SNU13: variants seen among roughly 807,000 people sequenced by gnomAD.
SNU13 encodes NHP2-like protein 1.
A neutral mutation model predicts 12.4 loss-of-function variants in SNU13; 2 were observed. The ratio of observed to expected loss-of-function variants is 0.16; its 90% CI spans 0.07 to 0.51. SNU13 has a LOEUF of 0.51. Among genes scored for constraint, SNU13 ranks in the 20% least tolerant of loss-of-function variants. The probability of loss-of-function intolerance (pLI) is 0.96; values close to 1 mark genes in which losing one functional copy is unlikely to be tolerated. For missense variants in SNU13, 66 were observed against 157.8 expected (o/e 0.42, Z 3.12); for synonymous variants, 68 against 66.5 (o/e 1.02, Z -0.11).
Position 41,674,294 on chromosome 22 carries a change from A to G in SNU13, c.*639T>C, listed in dbSNP as rs1210432336. On this transcript the variant is annotated 3_prime_UTR_variant, in exon 3 of 3. Coordinates refer to ENST00000401959, the MANE Select transcript of SNU13 (RefSeq NM_001003796.2). ...GGCTGCCTCCGGAGTCCTGCAGCAC[A>G]TCTCTTTGGTATGCTGCTGCCCTGC... The G allele has an allele frequency of 6.5e-6, 1 of 153,108 alleles. No homozygotes were observed. Among genetic ancestry groups the G allele is most frequent in the Non-Finnish European group, 1.5e-5 (1 of 68,494 alleles). 9.5% of individuals were successfully genotyped at this position (153,108 alleles called of 1,614,324 possible). A position where few individuals can be genotyped will look rare whatever the true frequency, so the allele number is the denominator to read the frequency against.
At chr22:41,688,743 G>A in intron 1 of SNU13, 51 bp downstream of exon 1, 1 of 1,594,730 alleles carries the variant, frequency 6.3e-7, no homozygotes. Context: ...GGGAGTGAAC[G>A]CAACCCTGAG....
intron 1 of SNU13, among the ~76,000 whole-genome samples, chr22:41,687,382 T>G (rs2068319785): frequency 6.6e-6 from 1 of 152,220 alleles, no homozygotes. Flanking sequence ...ACCCATTCTC[T>G]GGAAATCAGG....
chr22:41,680,928 C>T (rs570310045), intron 1 of SNU13, among the ~76,000 whole-genome samples: 41 of 152,252 alleles, frequency 2.7e-4, no homozygotes, highest in African/African-American at 9.4e-4. Context: ...TCCTGGCTCA[C>T]GCCTGTAATC....
intron 1 of SNU13, chr22:41,682,252 T>C: frequency 7.8e-7 from 1 of 1,284,760 alleles, no homozygotes; most frequent in South Asian, 1.2e-5. Context: ...TGCCTTTTCC[T>C]CCTTCCGTTT....
rs529472617 is a variant in SNU13, at chr22:41,683,969, C to G, written c.4-3605G>C. ...CCAGGCTGGAGTGTAGTAGTGCGAT[C>G]TTGGCTTACTGCAACCTCTGCCTCC... On this transcript the variant is annotated intron_variant, in intron 1 of 2. Transcript: ENST00000401959. Among the ~76,000 whole-genome samples the G allele has an allele frequency of 2.0e-5, 3 of 152,118 alleles. No homozygotes were observed. The South Asian group carries it at 6.2e-4, about 32-fold the overall frequency.
At position 41,674,854 on chromosome 22, in the gene SNU13, A is replaced by G; in HGVS notation, c.*79T>C. ...ATAACAATAGAGAGTAGCTGAAAATACTACATGCTAACACAGATAATATGA... is the reference window on the plus strand; with the variant it reads ...ATAACAATAGAGAGTAGCTGAAAATGCTACATGCTAACACAGATAATATGA... On this transcript the variant is annotated 3_prime_UTR_variant, in exon 3 of 3. Transcript: ENST00000401959. The G allele has an allele frequency of 6.6e-7, 1 of 1,524,928 alleles. No individual in the cohort carries two copies. The highest frequency in any genetic ancestry group is 8.9e-7 in the Non-Finnish European group (1 of 1,127,560). The allele number at this position is 1,524,928 out of a possible 1,614,324, so 94.5% of individuals were successfully genotyped here.
chr22:41,686,384 A>G (rs1452167993), intron 1 of SNU13, among the ~76,000 whole-genome samples: 1 of 151,376 alleles, frequency 6.6e-6, no homozygotes, highest in Non-Finnish European at 1.5e-5. Flanking sequence ...GGCTCACCGA[A>G]ACCTCTGCCT....
At chr22:41,677,386 G>A (rs2068223314) in intron 2 of SNU13, among the ~76,000 whole-genome samples, 1 of 152,040 alleles carries the variant, frequency 6.6e-6, no homozygotes, top group African/African-American at 2.4e-5. Context: ...TTAGCCAGGT[G>A]TGGTGGCGTA....
intron 2 of SNU13, chr22:41,679,953 T>C (rs2068248467): frequency 4.6e-6 from 1 of 216,090 alleles, no homozygotes; most frequent in African/African-American, 2.3e-5. Context: ...CTGATGGCTC[T>C]GGTGAGGTCA....
chr22:41,680,417 C>G (rs1334625625), intron 1 of SNU13, 53 bp from the exon 2 acceptor site: 3 of 1,578,232 alleles, frequency 1.9e-6, no homozygotes, highest in Non-Finnish European at 2.6e-6. Context: ...GTTTTCCTAC[C>G]TGAGTCACAA....
At chr22:41,681,885 TAA>T (rs1278423054) in intron 1 of SNU13, among the ~76,000 whole-genome samples, 3 of 152,062 alleles carry the variant, frequency 2.0e-5, no homozygotes, top group Non-Finnish European at 2.9e-5. Context: ...AATAAATAAA[TAA>T]ATACACACCC....
At chr22:41,675,469 T>G (rs1194403865) in intron 2 of SNU13, among the ~76,000 whole-genome samples, 1 of 152,022 alleles carries the variant, frequency 6.6e-6, no homozygotes, top group Non-Finnish European at 1.5e-5. Flanking sequence ...GTCACACAGC[T>G]GGAGTGCAGT....
intron 1 of SNU13, 70 bp from the exon 2 acceptor site, chr22:41,680,434 A>C: frequency 3.3e-6 from 5 of 1,537,400 alleles, no homozygotes; most frequent in Non-Finnish European, 4.4e-6. Flanking sequence ...ACAAAATACT[A>C]ATCAACAATT....
chr22:41,682,640 G>T, intron 1 of SNU13: 1 of 1,184,110 alleles, frequency 8.4e-7, no homozygotes, highest in Non-Finnish European at 1.1e-6. Context: ...AGGGGGTTGG[G>T]GGAGGTCAAG....
chr22:41,685,154 C>A (rs868273970), intron 1 of SNU13, among the ~76,000 whole-genome samples: 161 of 117,892 alleles, frequency 1.4e-3, no homozygotes, highest in Non-Finnish European at 1.7e-3. Flanking sequence ...AACTCCATCT[C>A]AAAAAAAAAA....
At chr22:41,683,729 G>A (rs887970587) in intron 1 of SNU13, among the ~76,000 whole-genome samples, 1 of 152,008 alleles carries the variant, frequency 6.6e-6, no homozygotes, top group African/African-American at 2.4e-5. Context: ...CCCTATATAG[G>A]GTTTAACAAC....
rs987021311 is a variant in SNU13 at position 41,674,172 on chromosome 22, T to G, written c.*761A>C. The G allele has an allele frequency of 1.4e-4, 22 of 152,492 alleles. No individual in the cohort carries two copies. Among genetic ancestry groups the G allele is most frequent in the African/African-American group, 5.3e-4 (22 of 41,446 alleles). 9.4% of individuals were successfully genotyped at this position (152,492 alleles called of 1,614,324 possible). On this transcript the variant is annotated 3_prime_UTR_variant, in exon 3 of 3. Coordinates refer to ENST00000401959, the MANE Select transcript of SNU13 (RefSeq NM_001003796.2). ...ACCAGCCAGGTCTCCATGATCTTCC[T>G]GGAATCCTTCATGCCAGCATCAGTT...
intron 2 of SNU13, among the ~76,000 whole-genome samples, chr22:41,676,114 C>A (rs2068211124): frequency 6.6e-6 from 1 of 152,152 alleles, no homozygotes; most frequent in Admixed American, 6.6e-5. Context: ...CTTCCACAAA[C>A]CCCCACCAGC....
At chr22:41,675,993 G>A (rs1263789638) in intron 2 of SNU13, among the ~76,000 whole-genome samples, 1 of 152,016 alleles carries the variant, frequency 6.6e-6, no homozygotes, top group Non-Finnish European at 1.5e-5. Flanking sequence ...GCCTCCCAAA[G>A]TGCTGTGATT....
Sources: allele counts gnomAD v4.1 joint callset (sites outside exome capture counted in the v4.1 genomes callset), GRCh38; gene constraint gnomAD v4.1.1; transcripts MANE v1.5; gene names NCBI Gene and HGNC (gene_info 2026-07-23, HGNC 2026-07-21).